GALNT13: variants seen among roughly 807,000 people sequenced by gnomAD.
GALNT13 encodes polypeptide N-acetylgalactosaminyltransferase 13.
In GALNT13, 28 loss-of-function variants were observed where a neutral mutation model predicts 64.2. The observed-to-expected ratio is 0.44, with a 90% confidence interval of 0.32 to 0.60. GALNT13 has a LOEUF of 0.60. Ranked by LOEUF, GALNT13 falls within the 20% of genes least tolerant of loss-of-function variation. The pLI is 0.05. For synonymous variants in GALNT13, 214 were observed against 224.6 expected (o/e 0.95, Z 0.42); for missense variants, 577 against 669.8 (o/e 0.86, Z 1.53).
the GALNT13 span, among the ~76,000 whole-genome samples, chr2:153,660,928 G>A: frequency 1.3e-5 from 2 of 152,136 alleles, no homozygotes; most frequent in Non-Finnish European, 1.5e-5. Flanking sequence ...TGGAGGCACT[G>A]CCCGTGAAGC....
At chr2:154,106,813 G>A (rs544672000) in intron 3 of GALNT13, among the ~76,000 whole-genome samples, 1 of 152,136 alleles carries the variant, frequency 6.6e-6, no homozygotes, top group South Asian at 2.1e-4. Flanking sequence ...AGTTCAATGG[G>A]ATACGTAAGT....
the GALNT13 span, among the ~76,000 whole-genome samples, chr2:153,646,241 T>C: frequency 6.6e-6 from 1 of 151,926 alleles, no homozygotes; most frequent in Non-Finnish European, 1.5e-5. Context: ...TCAAAAGCCT[T>C]TATAAGTAAT....
chr2:153,103,422 AG>A, the GALNT13 span, among the ~76,000 whole-genome samples: 9 of 152,204 alleles, frequency 5.9e-5, no homozygotes, highest in Non-Finnish European at 1.3e-4. Context: ...CACTCTACAT[AG>A]GCCCCCAGCT....
the GALNT13 span, among the ~76,000 whole-genome samples, chr2:153,567,421 G>C: frequency 3.5e-4 from 54 of 152,296 alleles, no homozygotes; most frequent in African/African-American, 1.3e-3. Flanking sequence ...CATTAGCATT[G>C]GTAGAAGTCC....
chr2:153,814,732 T>G, the GALNT13 span, among the ~76,000 whole-genome samples: 1 of 152,228 alleles, frequency 6.6e-6, no homozygotes, highest in Non-Finnish European at 1.5e-5. Context: ...GTTTTCATTA[T>G]GATGCTCCCT....
At chr2:154,207,360 A>T (rs1687521610) in intron 4 of GALNT13, among the ~76,000 whole-genome samples, 1 of 152,102 alleles carries the variant, frequency 6.6e-6, no homozygotes, top group Non-Finnish European at 1.5e-5. Flanking sequence ...CTGTTGAATT[A>T]TGTATCATTT....
the GALNT13 span, among the ~76,000 whole-genome samples, chr2:153,663,411 A>G: frequency 6.6e-6 from 1 of 152,190 alleles, no homozygotes. Context: ...CTTCCTTGTA[A>G]TGGTCGATAA....
intron 4 of GALNT13, among the ~76,000 whole-genome samples, chr2:154,223,090 C>G: frequency 6.6e-6 from 1 of 152,088 alleles, no homozygotes; most frequent in East Asian, 1.9e-4. Context: ...AAGATAGAAT[C>G]TGGGATTTCT....
chr2:153,502,602 C>T, the GALNT13 span, among the ~76,000 whole-genome samples: 1 of 152,132 alleles, frequency 6.6e-6, no homozygotes, highest in African/African-American at 2.4e-5. Flanking sequence ...TGGGTAGATA[C>T]CTAGTAGTAG....
At chr2:153,157,353 A>G in the GALNT13 span, among the ~76,000 whole-genome samples, 105 of 152,338 alleles carry the variant, frequency 6.9e-4, 1 homozygote, top group East Asian at 1.9e-4. Context: ...TATTGCTGCA[A>G]TAAAGCTTCC....
At chr2:153,590,185 A>T in the GALNT13 span, among the ~76,000 whole-genome samples, 1 of 152,190 alleles carries the variant, frequency 6.6e-6, no homozygotes, top group Non-Finnish European at 1.5e-5. Context: ...TATAGAAAAC[A>T]TTATCAGAGA....
chr2:153,991,924 T>C (rs1695185112), intron 3 of GALNT13, among the ~76,000 whole-genome samples: 1 of 152,166 alleles, frequency 6.6e-6, no homozygotes, highest in South Asian at 2.1e-4. Context: ...GACAAGCTTG[T>C]ACTTAATGCC....
At chr2:154,450,240 A>T (rs707079) in intron 12 of GALNT13, among the ~76,000 whole-genome samples, 171 bp from the exon 13 acceptor site, 96,139 of 151,896 alleles carry the variant, frequency 0.63, 31,595 homozygotes, top group East Asian at 0.87. Context: ...ACAGTCAAAG[A>T]TGTATAATAA....
the GALNT13 span, among the ~76,000 whole-genome samples, chr2:153,508,925 C>A: frequency 7.9e-4 from 121 of 152,296 alleles, no homozygotes; most frequent in Non-Finnish European, 1.3e-3. Flanking sequence ...TCTGGGTTCT[C>A]TTCCTCTGAG....
the GALNT13 span, among the ~76,000 whole-genome samples, chr2:153,803,558 G>A: frequency 8.5e-5 from 13 of 152,144 alleles, no homozygotes; most frequent in East Asian, 1.4e-3. Context: ...CGGGCGCTGT[G>A]GCGGGCGCCT....
At chr2:154,281,620 A>G (rs900851283) in intron 8 of GALNT13, among the ~76,000 whole-genome samples, 1 of 152,118 alleles carries the variant, frequency 6.6e-6, no homozygotes, top group Admixed American at 6.6e-5. Context: ...GCTGCTAGGA[A>G]TGGGTTTCTG....
chr2:153,572,580 A>G, the GALNT13 span, among the ~76,000 whole-genome samples: 8 of 151,424 alleles, frequency 5.3e-5, no homozygotes, highest in Non-Finnish European at 1.0e-4. Flanking sequence ...GGCACTTATA[A>G]CTCTAAGCTT....
rs140064531 is a variant in GALNT13, at chr2:154,314,277, T to C, written c.1156+12688T>C. ...ACACTAAATTTCAATTCTAATTTCT[T>C]AACAAAATTGAAGAGATCACTCTGA... On this transcript the variant is annotated intron_variant, in intron 9 of 12. Coordinates refer to ENST00000392825, the MANE Select transcript of GALNT13 (RefSeq NM_052917.4). Among the ~76,000 whole-genome samples the C allele has an allele frequency of 8.7e-4, 133 of 152,290 alleles. 3 individuals are homozygous for C. The East Asian group carries it at 0.02, about 23-fold the overall frequency.
chr2:154,252,163 G>C (rs1271787264), intron 7 of GALNT13, among the ~76,000 whole-genome samples: 2 of 151,590 alleles, frequency 1.3e-5, no homozygotes, highest in African/African-American at 4.8e-5. Context: ...CAAGGCCCTT[G>C]ATTATTTGCC....
Sources: allele counts gnomAD v4.1 joint callset (sites outside exome capture counted in the v4.1 genomes callset), GRCh38; gene constraint gnomAD v4.1.1; transcripts MANE v1.5; gene names NCBI Gene and HGNC (gene_info 2026-07-23, HGNC 2026-07-21).